The following GABRG3 variants were observed in gnomAD, a reference collection of about 807,000 sequenced individuals.
GABRG3 encodes gamma-aminobutyric acid receptor subunit gamma-3.
A neutral mutation model predicts 48.8 loss-of-function variants in GABRG3; 25 were observed. The observed-to-expected ratio is 0.51, with a 90% CI of 0.37 to 0.72. The LOEUF is 0.72. Among genes scored for constraint, GABRG3 ranks in the 30% least tolerant of loss-of-function variants. The pLI, the probability that GABRG3 is intolerant of heterozygous loss-of-function variation, is 0.00. For missense variants in GABRG3, 394 were observed against 577.9 expected (o/e 0.68, Z 3.26); for synonymous variants, 227 against 217.6 (o/e 1.04, Z -0.38).
In GABRG3 at chr15:27,447,253, A is replaced by G. The variant is rs759098710; in HGVS notation, c.575-33397A>G. Among the ~76,000 whole-genome samples, 11 of 152,166 alleles carry G rather than the reference A, an allele frequency of 7.2e-5. No homozygotes were observed. The highest frequency in any genetic ancestry group is 1.5e-4 in the Non-Finnish European group (10 of 68,022). On this transcript the variant is annotated intron_variant, in intron 5 of 9. Coordinates refer to ENST00000615808, the MANE Select transcript of GABRG3 (RefSeq NM_033223.5). This position sits in a 1 kb window ranked among gnomAD's most constrained non-coding sequence, Gnocchi z 4.0. ...AAAATCAGAGTCAAAAGAGACAGGC[A>G]TGTCCCAGAAGCATCAGACTAACCT...
chr15:27,088,763 T>C (rs1897132628), intron 3 of GABRG3, among the ~76,000 whole-genome samples: 1 of 152,002 alleles, frequency 6.6e-6, no homozygotes, highest in Admixed American at 6.5e-5. Context: ...TCCAGTCACC[T>C]CCCACCAGGC....
intron 3 of GABRG3, among the ~76,000 whole-genome samples, chr15:27,027,483 T>C (rs1051637455): frequency 2.6e-5 from 4 of 152,198 alleles, no homozygotes; most frequent in African/African-American, 7.2e-5. Context: ...TGCTCCTGAT[T>C]TGGGGAGACG....
chr15:27,335,099 T>G (rs765457792), intron 5 of GABRG3, among the ~76,000 whole-genome samples: 29 of 141,552 alleles, frequency 2.0e-4, no homozygotes, highest in Non-Finnish European at 3.9e-4. Flanking sequence ...TTTGTTCATA[T>G]TCTGATGGGC....
chr15:27,066,572 C>G (rs913038325), intron 3 of GABRG3, among the ~76,000 whole-genome samples: 1 of 152,040 alleles, frequency 6.6e-6, no homozygotes, highest in African/African-American at 2.4e-5. Context: ...CTCAGGCCAC[C>G]AGAAGGACTT....
In GABRG3 at chr15:27,480,779, C is replaced by T. The variant is rs760201044; in HGVS notation, c.704C>T (p.Thr235Met). The T allele has an allele frequency of 1.2e-5, 20 of 1,613,586 alleles. No homozygotes were observed. Among genetic ancestry groups the T allele is most frequent in the Admixed American group, 5.0e-5 (3 of 59,986 alleles). The change falls in exon 6 of 10, where the codon ACG (threonine) becomes ATG (methionine). Residue 235 changes from threonine to methionine, a missense_variant. This residue lies in a region of GABRG3 where 218 missense variants were observed against 309.9 expected (regional missense o/e 0.70). Transcript: ENST00000615808. The part of the protein sequence containing the change: ...GLRNTTEIVT[T>M]SAGDYVVMTI... ...AGAAACACCACAGAAATCGTGACAA[C>T]GTCTGCAGGTAGGAATTTACTGAAA...
At chr15:26,978,535 C>T (rs1205816451) in intron 2 of GABRG3, among the ~76,000 whole-genome samples, 1 of 151,928 alleles carries the variant, frequency 6.6e-6, no homozygotes, top group Non-Finnish European at 1.5e-5. Flanking sequence ...TTTCTTTTCC[C>T]CACCCTCCAT....
chr15:27,328,717 C>T, intron 4 of GABRG3, 89 bp from the exon 5 acceptor site: 1 of 1,051,946 alleles, frequency 9.5e-7, no homozygotes, highest in Non-Finnish European at 1.5e-6. Flanking sequence ...CGGAACGGCC[C>T]TCTCCATCCC....
In GABRG3 at chr15:27,008,600, C is replaced by T. The variant is rs141832056; in HGVS notation, c.203-18154C>T. Among the ~76,000 whole-genome samples the T allele has an allele frequency of 7.7e-4, 117 of 152,146 alleles. 4 individuals carry two copies. In the East Asian group the frequency reaches 0.02, roughly 26 times the overall value. ...ATTAATCTGGCTGTTTTCTTAAATT[C>T]CCATATTGCTTGTCTAAATATCAGG... is the stretch of plus-strand genomic sequence containing the variant. On this transcript the variant is annotated intron_variant, in intron 2 of 9. Coordinates refer to ENST00000615808, the MANE Select transcript of GABRG3 (RefSeq NM_033223.5).
chr15:27,535,055 G>A lies in GABRG3; in HGVS notation c.*2174G>A, dbSNP rs1414340712. On this transcript the variant is annotated 3_prime_UTR_variant, in exon 10 of 10. Coordinates refer to ENST00000615808, the MANE Select transcript of GABRG3 (RefSeq NM_033223.5). The stretch of plus-strand genomic sequence containing the variant: ...CTCTAGTTCTGTCTCTCATGCATAA[G>A]CAACCCCCGCCTTGGCAGAAGTATT... The A allele has an allele frequency of 6.6e-6, 1 of 152,170 alleles. No homozygotes were observed. The highest frequency in any genetic ancestry group is 2.4e-5 in the African/African-American group (1 of 41,444). The allele number at this position is 152,170 out of a possible 1,614,324, so 9.4% of individuals were successfully genotyped here. A position where few individuals can be genotyped will look rare whatever the true frequency, so the allele number is the denominator to read the frequency against.
rs895069991 is a variant in GABRG3, at chr15:27,234,040, C to A, written c.271-92769C>A. On this transcript the variant is annotated intron_variant, in intron 3 of 9. Transcript: ENST00000615808. ...GAGAGGGAGCTTTAGAGAGAAATAT[C>A]CCCAAGACTTTCTTCCTTTTTTTCT... Among the ~76,000 whole-genome samples the A allele has an allele frequency of 7.9e-5, 12 of 152,238 alleles. No individual in the cohort carries two copies. The South Asian group carries it at 1.2e-3, about 16-fold the overall frequency.
intron 3 of GABRG3, among the ~76,000 whole-genome samples, chr15:27,293,786 T>C (rs1226979198): frequency 6.6e-6 from 1 of 152,146 alleles, no homozygotes; most frequent in Non-Finnish European, 1.5e-5. Context: ...TATTCATTTG[T>C]GCACATATTT....
At chr15:27,381,689 A>G (rs1032587870) in intron 5 of GABRG3, among the ~76,000 whole-genome samples, 1 of 152,232 alleles carries the variant, frequency 6.6e-6, no homozygotes, top group Non-Finnish European at 1.5e-5. Context: ...TTCAATGAGA[A>G]TAAGAGTGAA....
chr15:27,298,315 T>A (rs1892072213), intron 3 of GABRG3, among the ~76,000 whole-genome samples: 1 of 151,978 alleles, frequency 6.6e-6, no homozygotes, highest in Admixed American at 6.6e-5. Context: ...TCTCAATCAG[T>A]TTAGAAGTTT....
chr15:27,217,964 A>G (rs1412149834), intron 3 of GABRG3, among the ~76,000 whole-genome samples: 3 of 152,144 alleles, frequency 2.0e-5, no homozygotes, highest in African/African-American at 7.2e-5. Context: ...GAGGAGAACC[A>G]GGGCCAGTCT....
At chr15:27,112,442 A>ATT (rs200203617) in intron 3 of GABRG3, among the ~76,000 whole-genome samples, 40,961 of 137,442 alleles carry the variant, frequency 0.3, 6,794 homozygotes, top group Middle Eastern at 0.38. Flanking sequence ...TATTTCATTG[A>ATT]TTTTTTTTTT....
intron 1 of GABRG3, among the ~76,000 whole-genome samples, chr15:26,973,938 C>T (rs939415979): frequency 6.6e-5 from 10 of 152,176 alleles, no homozygotes; most frequent in Non-Finnish European, 1.3e-4. Context: ...TTATATATAA[C>T]TTACTTAGAA....
chr15:27,157,311 G>A (rs1898457104), intron 3 of GABRG3, among the ~76,000 whole-genome samples: 1 of 152,240 alleles, frequency 6.6e-6, no homozygotes. Context: ...CCATGTGATA[G>A]TTTTCCCCAT....
Position 26,977,125 on chromosome 15 carries a change from T to TA in GABRG3, c.182dup (p.Leu62AlafsTer13), listed in dbSNP as rs1367945457. On this transcript the variant is annotated frameshift_variant, in exon 2 of 10. Transcript: ENST00000615808. LOFTEE classifies it high-confidence loss of function. ...TCAACAAGTTGCTAAGAGAATATGA[T>TA]AAAAAGCTGAGGCCAGATATTGGAA... 1.2e-6 allele frequency: 2 copies of TA among 1,613,528 alleles called. No individual in the cohort carries two copies. Among genetic ancestry groups the TA allele is most frequent in the Non-Finnish European group, 1.7e-6 (2 of 1,179,716 alleles).
At chr15:27,223,481 G>A (rs1002074844) in intron 3 of GABRG3, among the ~76,000 whole-genome samples, 2 of 152,016 alleles carry the variant, frequency 1.3e-5, no homozygotes, top group African/African-American at 4.8e-5. Flanking sequence ...CAATTTCTAT[G>A]TTTACTTAAA....
Sources: allele counts gnomAD v4.1 joint callset (sites outside exome capture counted in the v4.1 genomes callset), GRCh38; gene constraint gnomAD v4.1.1; regional missense constraint gnomAD v4.1.1; non-coding constraint Gnocchi (gnomAD v3.1); transcripts MANE v1.5; gene names NCBI Gene and HGNC (gene_info 2026-07-23, HGNC 2026-07-21).